Variants in YARS1 observed in about 807,000 individuals in gnomAD.
YARS1 encodes the protein tyrosyl-tRNA synthetase 1.
YARS1 carries 36 observed loss-of-function variants against 62.2 expected under a neutral mutation model. The observed-to-expected ratio is 0.58, with a 90% CI of 0.44 to 0.76. The LOEUF (loss-of-function observed/expected upper bound fraction) is 0.76. Ranked by LOEUF, YARS1 falls within the 30% of genes least tolerant of loss-of-function variation. The pLI is 0.00. For missense variants in YARS1, 524 were observed against 639.8 expected, an observed-to-expected ratio of 0.82 and a Z score of 1.95; for synonymous variants, 234 against 244.9, an observed-to-expected ratio of 0.96 and a Z score of 0.42.
At chr1:32,800,814 C>CA (rs1638267377) in intron 4 of YARS1, among the ~76,000 whole-genome samples, 1 of 152,172 alleles carries the variant, frequency 6.6e-6, no homozygotes, top group African/African-American at 2.4e-5. Flanking sequence ...ACCTCGTGAT[C>CA]TGCCCGTTTT....
At chr1:32,781,244 T>C (rs1653047356) in intron 9 of YARS1, 99 bp from the exon 10 acceptor site, 1 of 1,002,952 alleles carries the variant, frequency 1.0e-6, no homozygotes, top group Admixed American at 1.8e-5. Flanking sequence ...TAAGATTTAG[T>C]GTAGAATCCC....
At chr1:32,782,229 A>T (rs1449672096) in intron 9 of YARS1, 175 bp downstream of exon 9, 9 of 1,079,434 alleles carry the variant, frequency 8.3e-6, no homozygotes, top group Non-Finnish European at 1.2e-5. Context: ...CCTGATGTTA[A>T]CCAAACCCAA....
chr1:32,812,984 A>C (rs1033570784), intron 1 of YARS1, among the ~76,000 whole-genome samples: 3 of 151,626 alleles, frequency 2.0e-5, no homozygotes, highest in Non-Finnish European at 4.4e-5. Context: ...AAAAAAAAAA[A>C]AAAACCTTGG....
intron 5 of YARS1, 132 bp from the exon 6 acceptor site, chr1:32,791,386 G>C: frequency 1.3e-6 from 1 of 762,556 alleles, no homozygotes; most frequent in East Asian, 2.6e-5. Flanking sequence ...TAAATATGTA[G>C]CTTTGACAGT....
rs1408146372 is a variant in YARS1 at position 32,797,827 on chromosome 1, T to C, written c.527A>G (p.Tyr176Cys). The C allele has an allele frequency of 6.2e-7, 1 of 1,614,080 alleles. No individual in the cohort carries two copies. The highest frequency in any genetic ancestry group is 8.5e-7 in the Non-Finnish European group (1 of 1,179,976). The stretch of plus-strand genomic sequence containing the variant: ...TCCAAATTGGGCATCTACTTTTAAA[T>C]ACTCTTCATCCAAAGCCTGTGGAAA... ...YPGLQALDEE[Y>C]LKVDAQFGGI... is the part of the protein sequence containing the mutation. The change falls in exon 5 of 13, where the codon TAT becomes TGT. Residue 176 changes from tyrosine (Y) to cysteine (C), a missense_variant. Tyr to Cys is a radical substitution (Grantham distance 194). Transcript: ENST00000373477.
At chr1:32,796,995 A>T (rs1177341714) in intron 5 of YARS1, among the ~76,000 whole-genome samples, 3 of 20,552 alleles carry the variant, frequency 1.5e-4, no homozygotes, top group East Asian at 2.0e-3. Context: ...AAAAAAAAAA[A>T]ATATATATAT....
chr1:32,788,354 G>T (rs367825316), intron 6 of YARS1, among the ~76,000 whole-genome samples: 1 of 152,120 alleles, frequency 6.6e-6, no homozygotes, highest in African/African-American at 2.4e-5. Context: ...GCCATTAAGT[G>T]ATCTTCTGAC....
chr1:32,816,011 AG>A (rs1638714065), intron 1 of YARS1, among the ~76,000 whole-genome samples: 1 of 149,720 alleles, frequency 6.7e-6, no homozygotes, highest in Non-Finnish European at 1.5e-5. Flanking sequence ...CGGGAGGCTG[AG>A]GCAGGAGAAT....
chr1:32,805,594 G>A (rs897837310), intron 4 of YARS1, among the ~76,000 whole-genome samples: 8 of 152,146 alleles, frequency 5.3e-5, no homozygotes, highest in South Asian at 2.1e-4. Context: ...GCAAGAGGCC[G>A]AGCTTTCCGC....
At chr1:32,802,979 T>C (rs113379352) in intron 4 of YARS1, among the ~76,000 whole-genome samples, 137 of 812 alleles carry the variant, frequency 0.17, 1 homozygote, top group Non-Finnish European at 0.37. Context: ...CGCCTGGCTA[T>C]TTTTTTTTTT....
At chr1:32,785,560 T>A (rs1653197360) in intron 8 of YARS1, among the ~76,000 whole-genome samples, 1 of 151,846 alleles carries the variant, frequency 6.6e-6, no homozygotes, top group Non-Finnish European at 1.5e-5. Context: ...GTGGGGATTA[T>A]CTTTCTTTTT....
intron 1 of YARS1, among the ~76,000 whole-genome samples, chr1:32,815,872 G>A (rs1638706784): frequency 6.6e-6 from 1 of 152,118 alleles, no homozygotes; most frequent in Non-Finnish European, 1.5e-5. Context: ...CACTCTGGGA[G>A]GCCAAGGAGG....
rs546317570 is a variant in YARS1 at position 32,811,404 on chromosome 1, C to T, written c.58-347G>A. 7 of 367,934 alleles carry T rather than the reference C, an allele frequency of 1.9e-5. No homozygotes were observed. The East Asian group carries it at 3.5e-4, about 18-fold the overall frequency. The allele number at this position is 367,934 out of a possible 1,614,324, so 22.8% of individuals were successfully genotyped here. On this transcript the variant is annotated intron_variant, in intron 1 of 12. Transcript: ENST00000373477. ...ATAAGATATTGTGGAAAGCTATAGC[C>T]GCAGTTCCCAGGAATTTGCCCAGTT...
At chr1:32,815,521 C>CA (rs59542013) in intron 1 of YARS1, among the ~76,000 whole-genome samples, 26,623 of 152,050 alleles carry the variant, frequency 0.18, 2,727 homozygotes, top group African/African-American at 0.27. Context: ...TGGAATAACC[C>CA]AAATGTCCAT....
chr1:32,795,634 T>C (rs183816864), intron 5 of YARS1, among the ~76,000 whole-genome samples: 5 of 150,734 alleles, frequency 3.3e-5, no homozygotes, highest in Admixed American at 2.0e-4. Flanking sequence ...GGTGAAACCC[T>C]GTCTCTACTA....
chr1:32,789,889 C>T (rs1337590190), intron 6 of YARS1, among the ~76,000 whole-genome samples: 1 of 135,628 alleles, frequency 7.4e-6, no homozygotes, highest in Non-Finnish European at 1.6e-5. Flanking sequence ...TGTGCCTGGC[C>T]CTTTTTTTTT....
intron 1 of YARS1, among the ~76,000 whole-genome samples, chr1:32,815,432 T>C (rs1417787882): frequency 2.0e-5 from 3 of 152,160 alleles, no homozygotes; most frequent in Non-Finnish European, 4.4e-5. Flanking sequence ...CCAGCACTAT[T>C]TTATGGAGAG....
Position 32,775,937 on chromosome 1 carries a change from C to T in YARS1, c.*44G>A. On this transcript the variant is annotated 3_prime_UTR_variant, in exon 13 of 13. Coordinates refer to ENST00000373477, the MANE Select transcript of YARS1 (RefSeq NM_003680.4). ...TGGATGGAGCAGACTGAAGAGACAGCAGATGACTCAGTGGTGGAAGAAGGG... is the reference window on the plus strand; with the variant it reads ...TGGATGGAGCAGACTGAAGAGACAGTAGATGACTCAGTGGTGGAAGAAGGG... 1 of 1,497,710 alleles carries T rather than the reference C, an allele frequency of 6.7e-7. No homozygotes were observed. The highest frequency in any genetic ancestry group is 1.1e-5 in the South Asian group (1 of 88,552). 92.8% of individuals were successfully genotyped at this position (1,497,710 alleles called of 1,614,324 possible). A position where few individuals can be genotyped will look rare whatever the true frequency, so the allele number is the denominator to read the frequency against.
chr1:32,815,831 C>T (rs1019702799), intron 1 of YARS1, among the ~76,000 whole-genome samples: 1 of 151,996 alleles, frequency 6.6e-6, no homozygotes, highest in Non-Finnish European at 1.5e-5. Flanking sequence ...TGGTTGTGGC[C>T]GGGAGCCGTG....
Sources: gnomAD v4.1 joint callset for allele counts (sites outside exome capture counted in the v4.1 genomes callset) on GRCh38, gnomAD v4.1.1 for gene constraint, MANE v1.5 for transcripts, NCBI Gene and HGNC (gene_info 2026-07-23, HGNC 2026-07-21) for gene names.